SV2C: variants seen among roughly 807,000 people sequenced by gnomAD.
SV2C encodes synaptic vesicle glycoprotein 2C, also known as solute carrier family 22 member B3.
A neutral mutation model predicts 79.7 loss-of-function variants in SV2C; 49 were observed. That is an observed-to-expected ratio of 0.61 (90% CI 0.49 to 0.78). SV2C has a LOEUF of 0.78. Among genes scored for constraint, SV2C ranks in the 30% least tolerant of loss-of-function variants. The pLI is 0.00. For missense variants in SV2C, 833 were observed against 912.9 expected (o/e 0.91, Z 1.13); for synonymous variants, 334 against 333.2 (o/e 1.00, Z -0.03).
chr5:76,019,469 C>T, the SV2C span, among the ~76,000 whole-genome samples: 3 of 152,090 alleles, frequency 2.0e-5, no homozygotes, highest in Admixed American at 6.5e-5. Context: ...TATTTTAGTA[C>T]GTTCAGTGAA....
At chr5:76,049,037 G>A in the SV2C span, among the ~76,000 whole-genome samples, 1 of 84,548 alleles carries the variant, frequency 1.2e-5, no homozygotes, top group Non-Finnish European at 2.6e-5. Flanking sequence ...AAGAAAAGAG[G>A]GAGGGAGGGG....
At chr5:76,238,020 TCACACATA>T (rs2112414383) in intron 4 of SV2C, among the ~76,000 whole-genome samples, 1 of 85,290 alleles carries the variant, frequency 1.2e-5, no homozygotes, top group South Asian at 4.6e-4. Flanking sequence ...ATACACACAA[TCACACATA>T]CACACACACA....
At chr5:75,885,638 C>T in the SV2C span, among the ~76,000 whole-genome samples, 3 of 152,232 alleles carry the variant, frequency 2.0e-5, no homozygotes, top group East Asian at 5.8e-4. Context: ...CAGCCTGGAA[C>T]TCCTAGGCTC....
chr5:76,103,946 A>G (rs1295266554), intron 1 of SV2C, among the ~76,000 whole-genome samples: 8 of 152,230 alleles, frequency 5.3e-5, no homozygotes, highest in Non-Finnish European at 1.2e-4. Context: ...TCCCTCATGA[A>G]CATAGACACA....
chr5:75,964,515 C>G, the SV2C span, among the ~76,000 whole-genome samples: 1 of 152,072 alleles, frequency 6.6e-6, no homozygotes, highest in Non-Finnish European at 1.5e-5. Flanking sequence ...GTCAGACTCT[C>G]GGTAAGCTCC....
chr5:76,124,294 C>A (rs968029781), intron 1 of SV2C, among the ~76,000 whole-genome samples: 1 of 152,178 alleles, frequency 6.6e-6, no homozygotes, highest in Admixed American at 6.5e-5. Context: ...ATCCTGGCAA[C>A]CACCATTCTA....
At chr5:76,238,055 C>T (rs201532469) in intron 4 of SV2C, among the ~76,000 whole-genome samples, 17,778 of 81,052 alleles carry the variant, frequency 0.22, 3,088 homozygotes, top group African/African-American at 0.49. Flanking sequence ...CACACACACA[C>T]ACACACACAC....
intron 4 of SV2C, among the ~76,000 whole-genome samples, chr5:76,256,412 C>G (rs1433599685): frequency 6.6e-6 from 1 of 152,148 alleles, no homozygotes; most frequent in Non-Finnish European, 1.5e-5. Context: ...AGGGAAGAGG[C>G]TTTTAATAGC....
chr5:75,973,661 C>T, the SV2C span, among the ~76,000 whole-genome samples: 6 of 152,032 alleles, frequency 3.9e-5, no homozygotes, highest in South Asian at 1.2e-3. Context: ...TTATATTTAG[C>T]CATAGATCAG....
chr5:75,991,046 T>A, the SV2C span, among the ~76,000 whole-genome samples: 1 of 151,960 alleles, frequency 6.6e-6, no homozygotes. Context: ...TATATACATG[T>A]TTTTAAGGAT....
chr5:76,280,407 T>A (rs1454300742), intron 4 of SV2C, among the ~76,000 whole-genome samples: 1 of 152,204 alleles, frequency 6.6e-6, no homozygotes, highest in Non-Finnish European at 1.5e-5. Context: ...AGAGCTGGAC[T>A]CTGCATCAGT....
chr5:76,159,107 A>G (rs1405119704), intron 2 of SV2C, among the ~76,000 whole-genome samples: 2 of 151,908 alleles, frequency 1.3e-5, no homozygotes, highest in East Asian at 3.8e-4. Context: ...AAAACATTCA[A>G]AAAACTAGTA....
At chr5:76,219,358 A>G (rs2112373743) in intron 4 of SV2C, among the ~76,000 whole-genome samples, 1 of 152,334 alleles carries the variant, frequency 6.6e-6, no homozygotes, top group South Asian at 2.1e-4. Context: ...GATTTCCTTC[A>G]GTGATGGTTC....
At position 76,174,005 on chromosome 5, in the gene SV2C, C is replaced by G. The variant is rs754246632; in HGVS notation, c.581-20914C>G. 4 of 1,566,442 alleles carry G rather than the reference C, an allele frequency of 2.6e-6. No homozygotes were observed. In the South Asian group the frequency reaches 4.4e-5, roughly 17 times the overall value. On this transcript the variant is annotated intron_variant, in intron 2 of 12. Coordinates refer to ENST00000502798, the MANE Select transcript of SV2C (RefSeq NM_014979.4). ...CCTCATTGCTGTAAATTGCTCCGTT[C>G]CTGCAGTATCCAAGATTTCAAGCAT... is the stretch of plus-strand genomic sequence containing the variant.
intron 1 of SV2C, among the ~76,000 whole-genome samples, chr5:76,084,963 G>C (rs1365647981): frequency 6.6e-6 from 1 of 152,194 alleles, no homozygotes; most frequent in Non-Finnish European, 1.5e-5. Flanking sequence ...GGACCGAGGA[G>C]ATGAGGCGTC....
At chr5:76,239,733 G>A (rs1745724553) in intron 4 of SV2C, among the ~76,000 whole-genome samples, 1 of 152,194 alleles carries the variant, frequency 6.6e-6, no homozygotes, top group Admixed American at 6.5e-5. Context: ...AGTGATCAAA[G>A]AGTAACTAAG....
intron 2 of SV2C, among the ~76,000 whole-genome samples, chr5:76,181,992 C>T (rs879533650): frequency 3.3e-5 from 5 of 152,208 alleles, no homozygotes; most frequent in African/African-American, 9.7e-5. Context: ...TTCCAACCTT[C>T]TCATGCCTCC....
the SV2C span, chr5:75,910,587 G>T: frequency 5.6e-6 from 4 of 715,774 alleles, no homozygotes; most frequent in South Asian, 2.9e-5. Flanking sequence ...ATTGAGGAGA[G>T]AATTGCCAAG....
chr5:75,968,198 C>T, the SV2C span, among the ~76,000 whole-genome samples: 14 of 152,082 alleles, frequency 9.2e-5, no homozygotes, highest in African/African-American at 3.1e-4. Flanking sequence ...AGACCAAAGC[C>T]ACAAAGGTAA....
Sources: gnomAD v4.1 joint callset for allele counts (sites outside exome capture counted in the v4.1 genomes callset) on GRCh38, gnomAD v4.1.1 for gene constraint, MANE v1.5 for transcripts, NCBI Gene and HGNC (gene_info 2026-07-23, HGNC 2026-07-21) for gene names.